The following DMKN variants were observed in gnomAD, a reference collection of about 807,000 sequenced individuals.
DMKN encodes dermokine, also known as epidermis-specific secreted protein SK30/SK89.
In DMKN, 58 loss-of-function variants were observed where a neutral mutation model predicts 67.6. The observed-to-expected ratio is 0.86, with a 90% confidence interval of 0.69 to 1.07. The LOEUF (loss-of-function observed/expected upper bound fraction) is 1.07. Ranked by LOEUF, DMKN falls within the 50% of genes least tolerant of loss-of-function variation. DMKN has a pLI of 0.00. For missense variants in DMKN, 596 were observed against 601.5 expected (o/e 0.99, Z 0.10); for synonymous variants, 240 against 232.3 (o/e 1.03, Z -0.30).
At chr19:35,505,796 A>G (rs1271449971) in intron 8 of DMKN, 31 bp from the exon 9 acceptor site, 1 of 1,614,098 alleles carries the variant, frequency 6.2e-7, no homozygotes, top group Non-Finnish European at 8.5e-7. Flanking sequence ...AGAATGGCCA[A>G]ATTGAGTCAT....
At chr19:35,510,119 G>T in intron 6 of DMKN, 65 bp downstream of exon 6, 4 of 1,565,876 alleles carry the variant, frequency 2.6e-6, no homozygotes, top group Non-Finnish European at 3.5e-6. Context: ...CCGATCCTGC[G>T]AGTGAAACCA....
At chr19:35,503,682 G>A (rs2029924463) in intron 9 of DMKN, among the ~76,000 whole-genome samples, 1 of 151,978 alleles carries the variant, frequency 6.6e-6, no homozygotes, top group African/African-American at 2.4e-5. Flanking sequence ...CACCACATTG[G>A]CCAGGCTGGT....
chr19:35,502,601 G>T (rs1251958140), intron 10 of DMKN, among the ~76,000 whole-genome samples: 1 of 152,138 alleles, frequency 6.6e-6, no homozygotes, highest in Non-Finnish European at 1.5e-5. Context: ...CTACTCGGGA[G>T]GCTGAGGCAG....
At chr19:35,509,702 G>T in intron 7 of DMKN, 1 of 573,162 alleles carries the variant, frequency 1.7e-6, no homozygotes. Context: ...GTGGTATAAG[G>T]TGAGGTATAT....
At chr19:35,501,578 T>C (rs2068369489) in intron 11 of DMKN, among the ~76,000 whole-genome samples, 1 of 152,032 alleles carries the variant, frequency 6.6e-6, no homozygotes, top group African/African-American at 2.4e-5. Context: ...TGCCCACGGG[T>C]CCTGTTTCTC....
chr19:35,501,907 C>T, intron 11 of DMKN: 2 of 1,574,988 alleles, frequency 1.3e-6, no homozygotes, highest in Non-Finnish European at 1.7e-6. Flanking sequence ...TGTTCATGTG[C>T]TTGTGGAGGC....
chr19:35,511,939 C>T (rs2070902703), intron 3 of DMKN, 126 bp from the exon 4 acceptor site: 1 of 1,060,068 alleles, frequency 9.4e-7, no homozygotes, highest in Non-Finnish European at 1.3e-6. Flanking sequence ...ATGTGTTTCT[C>T]CCACCTCCCC....
chr19:35,502,300 G>T, intron 10 of DMKN, 117 bp from the exon 11 acceptor site: 1 of 978,266 alleles, frequency 1.0e-6, no homozygotes, highest in South Asian at 1.3e-5. Flanking sequence ...GTGTGGCTTG[G>T]GGTTGGAGGA....
At position 35,503,436 on chromosome 19, in the gene DMKN, G is replaced by A; in HGVS notation, c.1135-550C>T. The A allele has an allele frequency of 5.8e-6, 9 of 1,550,796 alleles. No homozygotes were observed. In the South Asian group the frequency reaches 1.1e-4, roughly 18 times the overall value. ...TGTCTGGAGGTCACGGGATGCGAGA[G>A]CTTCTCTGGTCCTGGGCAAAGAAAC... On this transcript the variant is annotated intron_variant, in intron 9 of 15. Transcript: ENST00000339686.
In DMKN at chr19:35,513,637, G is replaced by T. The variant is rs2071133916; in HGVS notation, c.-162C>A. ...AGCCTTCTCTCTCCTGTCCTCAACT[G>T]CCTGGGCTTCTCAGAGTCCACCTCC... is the stretch of plus-strand genomic sequence containing the variant. On this transcript the variant is annotated 5_prime_UTR_variant, in exon 1 of 16. Coordinates refer to ENST00000339686, the MANE Select transcript of DMKN (RefSeq NM_033317.5). 9.9e-6 allele frequency: 9 copies of T among 909,954 alleles called. No individual in the cohort carries two copies. In the South Asian group the frequency reaches 1.6e-4, roughly 16 times the overall value. 56.4% of individuals were successfully genotyped at this position (909,954 alleles called of 1,614,324 possible). A position where few individuals can be genotyped will look rare whatever the true frequency, so the allele number is the denominator to read the frequency against.
In DMKN at chr19:35,502,130, C is replaced by G. The variant is rs200787055; in HGVS notation, c.1239+6G>C. On this transcript the variant is annotated splice_donor_region_variant and intron_variant, in intron 11 of 15. Coordinates refer to ENST00000339686, the MANE Select transcript of DMKN (RefSeq NM_033317.5). ...TCCCAGAGCTGAGAAGTCCTGCCCC[C>G]CTTACCTCAATAATTGCTTTCCAGT... 6.9e-5 allele frequency: 112 copies of G among 1,614,078 alleles called. 1 individual carries two copies. The Middle Eastern group carries it at 1.2e-3, about 17-fold the overall frequency.
At position 35,512,688 on chromosome 19, in the gene DMKN, G is replaced by T. The variant is rs769350840; in HGVS notation, c.529C>A (p.Pro177Thr). ...CCAAAGCTGCCTGCTGAGTTTCCGG[G>T]GTATCCGTGGACCCACGGAGTCCCC... is the stretch of plus-strand genomic sequence containing the variant. ...GLGTPWVHGY[P>T]GNSAGSFGMN... Residue 177 changes from proline to threonine, a missense_variant, in exon 2 of 16, where the codon CCC (proline) becomes ACC (threonine). Pro to Thr is a conservative substitution (Grantham distance 38). Coordinates refer to ENST00000339686, the MANE Select transcript of DMKN (RefSeq NM_033317.5). 1.3e-5 allele frequency: 21 copies of T among 1,614,150 alleles called. No individual in the cohort carries two copies. The highest frequency in any genetic ancestry group is 1.6e-5 in the Non-Finnish European group (19 of 1,180,022).
chr19:35,503,273 G>C lies in DMKN; in HGVS notation c.1135-387C>G, dbSNP rs934243063. 8 of 1,487,588 alleles carry C rather than the reference G, an allele frequency of 5.4e-6. No homozygotes were observed. The East Asian group carries it at 1.7e-4, about 32-fold the overall frequency. 92.1% of individuals were successfully genotyped at this position (1,487,588 alleles called of 1,614,324 possible). On this transcript the variant is annotated intron_variant, in intron 9 of 15. Transcript: ENST00000339686. ...CTTCCACACCACCCTGGATAACAGC[G>C]GAGACGTAAGAAAGGAGCAGAGGCC...
intron 8 of DMKN, 61 bp downstream of exon 8, chr19:35,505,878 G>A (rs2069392605): frequency 6.2e-7 from 1 of 1,613,572 alleles, no homozygotes; most frequent in African/African-American, 1.3e-5. Flanking sequence ...CAGACTGTGG[G>A]GCCAAGGGCA....
chr19:35,503,464 G>A (rs1568582572), intron 9 of DMKN: 3 of 1,458,514 alleles, frequency 2.1e-6, no homozygotes, highest in Admixed American at 2.2e-5. Flanking sequence ...AAAGAAACAG[G>A]TTTTTTTTTG....
Position 35,512,704 on chromosome 19 carries a change from C to A in DMKN, c.513G>T (p.Pro171=), listed in dbSNP as rs190013747. The A allele has an allele frequency of 1.2e-5, 20 of 1,614,200 alleles. No homozygotes were observed. The highest frequency in any genetic ancestry group is 1.6e-5 in the Non-Finnish European group (19 of 1,180,028). ...AGTTTCCGGGGTATCCGTGGACCCA[C>A]GGAGTCCCCAGACCTCCAGGATTGC... ...GQGNPGGLGT[P]WVHGYPGNSA... is the part of the protein sequence containing the mutation. Residue 171 remains proline, a synonymous_variant, in exon 2 of 16, where the codon CCG becomes CCT. Coordinates refer to ENST00000339686, the MANE Select transcript of DMKN (RefSeq NM_033317.5).
chr19:35,499,640 C>T (rs2068021583), intron 13 of DMKN, among the ~76,000 whole-genome samples: 1 of 152,114 alleles, frequency 6.6e-6, no homozygotes, highest in African/African-American at 2.4e-5. Context: ...GCGTGTTTTG[C>T]AGGTGTCATG....
intron 9 of DMKN, chr19:35,503,260 C>A: frequency 6.8e-7 from 1 of 1,472,472 alleles, no homozygotes; most frequent in South Asian, 1.4e-5. Flanking sequence ...TCCACACCAC[C>A]CTGGATAACA....
chr19:35,507,908 G>A, intron 7 of DMKN: 1 of 462,496 alleles, frequency 2.2e-6, no homozygotes, highest in Non-Finnish European at 3.9e-6. Context: ...GACCCTGTCT[G>A]GGCTGATTGG....
Sources: allele counts gnomAD v4.1 joint callset (sites outside exome capture counted in the v4.1 genomes callset), GRCh38; gene constraint gnomAD v4.1.1; transcripts MANE v1.5; gene names NCBI Gene and HGNC (gene_info 2026-07-23, HGNC 2026-07-21).